Variants in PHTF1 observed in about 807,000 individuals in gnomAD.
The protein encoded by PHTF1 is protein PHTF1.
A neutral mutation model predicts 102.4 loss-of-function variants in PHTF1; 88 were observed. The ratio of observed to expected loss-of-function variants is 0.86; its 90% CI spans 0.72 to 1.03. PHTF1 has a LOEUF of 1.03. Among genes scored for constraint, PHTF1 ranks in the 50% least tolerant of loss-of-function variants. The pLI is 0.00. For missense variants in PHTF1, 814 were observed against 909.5 expected (o/e 0.89, Z 1.35); for synonymous variants, 289 against 305.2 (o/e 0.95, Z 0.55).
rs758239905 is a variant in PHTF1 at position 113,699,735 on chromosome 1, T to C, written c.2111A>G (p.Asn704Ser). 11 of 1,465,948 alleles carry C rather than the reference T, an allele frequency of 7.5e-6. No homozygotes were observed. The Middle Eastern group carries it at 7.0e-4, about 94-fold the overall frequency. The allele number at this position is 1,465,948 out of a possible 1,614,324, so 90.8% of individuals were successfully genotyped here. ...NKKEQLTLVN[N>S]VLKLSTKLLK... The stretch of plus-strand genomic sequence containing the variant: ...CAACTTGGTGGACAGCTTTAATACA[T>C]TGTTTACTAGAGTAAGCTGTTCTTT... The change falls in exon 17 of 19, where the codon AAT becomes AGT. Residue 704 changes from asparagine (N) to serine (S), a missense_variant. Transcript: ENST00000369604.
intron 5 of PHTF1, among the ~76,000 whole-genome samples, chr1:113,735,365 CAAAAAAAAAAAAAAAAAA>C (rs749964684): frequency 7.0e-5 from 2 of 28,444 alleles, no homozygotes; most frequent in African/African-American, 2.6e-4. Context: ...GACTCTGTCT[CAAAAAAAAAAAAAAAAAA>C]AAAAAAAAAA....
rs117323998 is a variant in PHTF1 at position 113,726,944 on chromosome 1, T to C, written c.332-370A>G. On this transcript the variant is annotated intron_variant, in intron 5 of 18. Transcript: ENST00000369604. ...AGAAAGCAAACAGCAAAGATGGGGA[T>C]TGAACCCAGGTAGTCAGGCTCCAGA... 1.6e-3 allele frequency among the ~76,000 whole-genome samples: 246 copies of C among 152,254 alleles called. 4 individuals are homozygous for C. Among genetic ancestry groups the C allele is most frequent in the East Asian group, 0.012 (61 of 5,184 alleles).
Position 113,705,960 on chromosome 1 carries a change from AAATT to A in PHTF1, c.1597_1600del (p.Asn533PhefsTer14), listed in dbSNP as rs754984956. 8.7e-6 allele frequency: 14 copies of A among 1,614,030 alleles called. No individual in the cohort carries two copies. The highest frequency in any genetic ancestry group is 1.1e-5 in the Non-Finnish European group (13 of 1,179,968). On this transcript the variant is annotated frameshift_variant, in exon 13 of 19. Transcript: ENST00000369604. LOFTEE classifies it high-confidence loss of function. ...CCAAGTAAGACACAATCTTTCAAAA[AAATT>A]AATTATCGACAAAACAATAATAGGT...
intron 7 of PHTF1, among the ~76,000 whole-genome samples, chr1:113,724,367 C>T (rs1311761488): frequency 6.6e-6 from 1 of 152,004 alleles, no homozygotes; most frequent in Non-Finnish European, 1.5e-5. Context: ...TGGTTACACC[C>T]TGTCTCTAAT....
chr1:113,754,824 G>C (rs1471735250), intron 3 of PHTF1, among the ~76,000 whole-genome samples: 2 of 152,080 alleles, frequency 1.3e-5, no homozygotes, highest in African/African-American at 4.8e-5. Context: ...AAAGTTCTTA[G>C]TAAAGCAGTC....
In PHTF1 at chr1:113,745,714, G is replaced by T. The variant is rs538100632; in HGVS notation, c.103-6915C>A. Among the ~76,000 whole-genome samples the T allele has an allele frequency of 1.9e-4, 29 of 152,200 alleles. 1 individual carries two copies. The highest frequency in any genetic ancestry group is 2.1e-4 in the South Asian group (1 of 4,824). On this transcript the variant is annotated intron_variant, in intron 3 of 18. Coordinates refer to ENST00000369604, the MANE Select transcript of PHTF1 (RefSeq NM_001323043.2). ...AAACCCCACTGTGACCTGCACATTC[G>T]AGGGATCTAGGTTGCATGCTCCTTA...
intron 7 of PHTF1, among the ~76,000 whole-genome samples, chr1:113,716,127 C>G (rs1424608449): frequency 6.6e-6 from 1 of 151,834 alleles, no homozygotes; most frequent in Non-Finnish European, 1.5e-5. Flanking sequence ...TCATACAATA[C>G]CAAACAGATT....
intron 7 of PHTF1, among the ~76,000 whole-genome samples, chr1:113,718,652 C>G (rs1408996326): frequency 2.0e-5 from 3 of 152,244 alleles, no homozygotes. Context: ...TTCTGTGCAC[C>G]TGCAGGCTCG....
intron 15 of PHTF1, among the ~76,000 whole-genome samples, chr1:113,703,117 G>C (rs767780465): frequency 3.5e-4 from 54 of 152,132 alleles, no homozygotes; most frequent in Non-Finnish European, 6.3e-4. Flanking sequence ...CTCCACCAAT[G>C]GCTGACAGAA....
In PHTF1 at chr1:113,717,970, A is replaced by T. The variant is rs534728572; in HGVS notation, c.624-4532T>A. 7.2e-5 allele frequency among the ~76,000 whole-genome samples: 11 copies of T among 152,150 alleles called. No individual in the cohort carries two copies. The East Asian group carries it at 2.1e-3, about 29-fold the overall frequency. ...CCTCATGTCCTCACATTTCAAAACC[A>T]ATCATGCCTTCCCAATACTCCCCCA... On this transcript the variant is annotated intron_variant, in intron 7 of 18. Coordinates refer to ENST00000369604, the MANE Select transcript of PHTF1 (RefSeq NM_001323043.2).
Position 113,759,470 on chromosome 1 carries a change from C to T in PHTF1, c.-478G>A. The T allele has an allele frequency of 6.6e-6, 1 of 152,514 alleles. No individual in the cohort carries two copies. Among genetic ancestry groups the T allele is most frequent in the East Asian group, 1.9e-4 (1 of 5,178 alleles). The allele number at this position is 152,514 out of a possible 1,614,324, so 9.4% of individuals were successfully genotyped here. ...GTCTTCTGCGGGCCGCGCCGGGATG[C>T]AGTGACTCAGCCGTCTGAGATCTGG... On this transcript the variant is annotated 5_prime_UTR_variant, in exon 1 of 19. Transcript: ENST00000369604.
chr1:113,724,773 A>C lies in PHTF1; in HGVS notation c.609T>G (p.Thr203=), dbSNP rs745856000. 1 of 1,598,266 alleles carries C rather than the reference A, an allele frequency of 6.3e-7. No individual in the cohort carries two copies. ...SVPIIGGFWE[T]IFGNRIKRVK... ...AAGACTCCCACCTGTTGCCAAAGAT[A>C]GTCTCCCAAAAACCACCAATAATGG... The change falls in exon 7 of 19, where the codon ACT becomes ACG. Residue 203 remains threonine (T), a synonymous_variant. Coordinates refer to ENST00000369604, the MANE Select transcript of PHTF1 (RefSeq NM_001323043.2).
intron 5 of PHTF1, among the ~76,000 whole-genome samples, chr1:113,731,844 C>A (rs1200560508): frequency 2.8e-5 from 4 of 143,682 alleles, no homozygotes; most frequent in African/African-American, 1.0e-4. Flanking sequence ...TTGCAGTGAG[C>A]CGAGATCAAG....
chr1:113,701,187 C>A (rs1209232522), intron 15 of PHTF1, among the ~76,000 whole-genome samples: 1 of 152,204 alleles, frequency 6.6e-6, no homozygotes, highest in East Asian at 1.9e-4. Context: ...GAAAATACCA[C>A]AAATAAAATA....
intron 3 of PHTF1, among the ~76,000 whole-genome samples, chr1:113,749,184 A>C (rs1422693510): frequency 6.6e-6 from 1 of 152,162 alleles, no homozygotes; most frequent in East Asian, 1.9e-4. Context: ...ATCTTTAAAA[A>C]CACTGTTTTT....
chr1:113,719,322 G>A (rs947152663), intron 7 of PHTF1, among the ~76,000 whole-genome samples: 4 of 152,076 alleles, frequency 2.6e-5, no homozygotes, highest in African/African-American at 7.2e-5. Context: ...CTTTTCTATC[G>A]CATAGTCAGG....
In PHTF1 at chr1:113,758,939, T is replaced by C. The variant is rs1489166324; in HGVS notation, c.-31+84A>G. 2.0e-5 allele frequency: 24 copies of C among 1,177,016 alleles called. 1 individual carries two copies. In the Middle Eastern group the frequency reaches 2.8e-3, roughly 137 times the overall value. The allele number at this position is 1,177,016 out of a possible 1,614,324, so 72.9% of individuals were successfully genotyped here. On this transcript the variant is annotated intron_variant, in intron 1 of 18. Transcript: ENST00000369604. ...CTCTGCAATATATCGGGCGAGCGTG[T>C]TCGTGGGTGCGGGGGAGGGGCAGGG...
chr1:113,711,988 A>T lies in PHTF1; in HGVS notation c.909T>A (p.Cys303Ter). ...SVEGASSDNG[C>*]EVKNRKSILS... ...GTATTGATTTTCTATTCTTAACTTCACAACCATTGTCACTTGAGGCCCCTT... is the reference window on the plus strand; with the variant it reads ...GTATTGATTTTCTATTCTTAACTTCTCAACCATTGTCACTTGAGGCCCCTT... Residue 303 changes from cysteine (C) to a stop codon, truncating the protein, a stop_gained, in exon 9 of 19, where the codon TGT becomes TGA. Transcript: ENST00000369604. LOFTEE classifies it high-confidence loss of function. The T allele has an allele frequency of 6.2e-7, 1 of 1,614,092 alleles. No individual in the cohort carries two copies. The highest frequency in any genetic ancestry group is 8.5e-7 in the Non-Finnish European group (1 of 1,179,952).
chr1:113,712,856 G>A (rs1291012852), intron 8 of PHTF1, among the ~76,000 whole-genome samples: 1 of 149,628 alleles, frequency 6.7e-6, no homozygotes, highest in African/African-American at 2.5e-5. Flanking sequence ...GCGCGATCTC[G>A]GCTCACTGCA....
Sources: allele counts gnomAD v4.1 joint callset (sites outside exome capture counted in the v4.1 genomes callset), GRCh38; gene constraint gnomAD v4.1.1; transcripts MANE v1.5; gene names NCBI Gene and HGNC (gene_info 2026-07-23, HGNC 2026-07-21).